SPTY2D1: variants seen among roughly 807,000 people sequenced by gnomAD.
SPTY2D1 encodes protein SPT2 homolog.
SPTY2D1 carries 21 observed loss-of-function variants against 64.0 expected under a neutral mutation model. The ratio of observed to expected loss-of-function variants is 0.33; its 90% CI spans 0.23 to 0.47. SPTY2D1 has a LOEUF of 0.47. SPTY2D1 is among the 20% of genes least tolerant of loss of function. The pLI, the probability that SPTY2D1 is intolerant of heterozygous loss-of-function variation, is 1.00. For missense variants in SPTY2D1, 724 were observed against 837.2 expected (o/e 0.86, Z 1.67); for synonymous variants, 287 against 286.8 (o/e 1.00, Z -0.01).
rs1854220065 is a variant in SPTY2D1, at chr11:18,612,320, C to T, written c.1880G>A (p.Arg627Gln). 3.2e-6 allele frequency: 5 copies of T among 1,581,706 alleles called. No individual in the cohort carries two copies. Among genetic ancestry groups the T allele is most frequent in the Admixed American group, 3.8e-5 (2 of 52,198 alleles). Residue 627 changes from arginine (R) to glutamine (Q), a missense_variant, in exon 4 of 6, where the codon CGA becomes CAA. This residue lies in a region of SPTY2D1 where 119 missense variants were observed against 172.9 expected (regional missense o/e 0.69). Transcript: ENST00000336349. The surrounding 1 kb of genome is among the most constrained non-coding windows in gnomAD (Gnocchi z 4.6). ...KHIREIFGYD[R>Q]KKYKDESDYA... ...GAATCTTCTTTAGTCTTACTTTTTT[C>T]GGTCATAACCAAAGATTTCTCTAAT... is the stretch of plus-strand genomic sequence containing the variant.
In SPTY2D1 at chr11:18,615,435, G is replaced by T. The variant is rs746672246; in HGVS notation, c.839C>A (p.Ser280Tyr). 1 of 1,614,082 alleles carries T rather than the reference G, an allele frequency of 6.2e-7. No homozygotes were observed. The highest frequency in any genetic ancestry group is 8.5e-7 in the Non-Finnish European group (1 of 1,180,038). The part of the protein sequence containing the change: ...ANEKHLALSS[S>Y]KSMPGERIKA... Reference sequence around the variant, plus strand: ...GATCCTCTCTCCTGGCATGGATTTGGATGAAGACAAAGCGAGGTGTTTCTC... The same window carrying T: ...GATCCTCTCTCCTGGCATGGATTTGTATGAAGACAAAGCGAGGTGTTTCTC... Residue 280 changes from serine (S) to tyrosine (Y), a missense_variant, in exon 3 of 6, where the codon TCC (serine) becomes TAC (tyrosine). Physicochemically the swap from Ser to Tyr is moderately radical, Grantham distance 144. Transcript: ENST00000336349.
chr11:18,633,748 T>C (rs1181721115), intron 1 of SPTY2D1, among the ~76,000 whole-genome samples: 1 of 152,180 alleles, frequency 6.6e-6, no homozygotes, highest in African/African-American at 2.4e-5. Context: ...CGCTAAACGT[T>C]TGACTTGAAG....
At chr11:18,632,346 T>A (rs1854601547) in intron 1 of SPTY2D1, among the ~76,000 whole-genome samples, 2 of 151,810 alleles carry the variant, frequency 1.3e-5, no homozygotes, top group African/African-American at 4.8e-5. Flanking sequence ...ATGGCTATAT[T>A]ATCTATTGAT....
At position 18,615,972 on chromosome 11, in the gene SPTY2D1, A is replaced by G. The variant is rs150498847; in HGVS notation, c.302T>C (p.Ile101Thr). The part of the protein sequence containing the change: ...DNFHGYNGIP[I>T]EEKSKKRQAT... ...CTGCCTCTTCTTTGACTTTTCCTCAATAGGAATCCCATTGTAACCATGGAA... is the reference window on the plus strand; with the variant it reads ...CTGCCTCTTCTTTGACTTTTCCTCAGTAGGAATCCCATTGTAACCATGGAA... The change falls in exon 3 of 6, where the codon ATT becomes ACT. Residue 101 changes from isoleucine to threonine, a missense_variant. Ile to Thr is a moderately conservative substitution (Grantham distance 89, BLOSUM62 -1). Coordinates refer to ENST00000336349, the MANE Select transcript of SPTY2D1 (RefSeq NM_194285.3). 104 of 1,613,970 alleles carry G rather than the reference A, an allele frequency of 6.4e-5. No homozygotes were observed. Among genetic ancestry groups the G allele is most frequent in the Middle Eastern group, 1.6e-4 (1 of 6,084 alleles).
At chr11:18,622,100 A>AG (rs1435656187) in intron 1 of SPTY2D1, among the ~76,000 whole-genome samples, 1 of 148,214 alleles carries the variant, frequency 6.7e-6, no homozygotes, top group Non-Finnish European at 1.5e-5. Context: ...AAAAAAAAAA[A>AG]AAAACCAAAA....
intron 1 of SPTY2D1, among the ~76,000 whole-genome samples, chr11:18,629,325 AC>A (rs10718197): frequency 0.97 from 148,291 of 152,156 alleles, 72,387 homozygotes; most frequent in East Asian, 1. Flanking sequence ...ACATGGTGAA[AC>A]CCCCATCTCT....
At chr11:18,611,339 G>GC in intron 5 of SPTY2D1, 138 bp downstream of exon 5, 1 of 766,558 alleles carries the variant, frequency 1.3e-6, no homozygotes, top group South Asian at 1.6e-5. Context: ...TTTGTCCAAG[G>GC]CCCCACAGCT....
At chr11:18,616,480 A>C (rs568537402) in intron 2 of SPTY2D1, among the ~76,000 whole-genome samples, 1 of 152,306 alleles carries the variant, frequency 6.6e-6, no homozygotes, top group East Asian at 1.9e-4. Flanking sequence ...AAAGACTTTA[A>C]AACTTATCTC....
intron 2 of SPTY2D1, 37 bp downstream of exon 2, chr11:18,616,838 A>G: frequency 6.3e-7 from 1 of 1,592,836 alleles, no homozygotes; most frequent in East Asian, 2.2e-5. Context: ...TGAAGATGGA[A>G]TACTTTAAAA....
At chr11:18,610,640 T>C (rs932589082) in intron 5 of SPTY2D1, among the ~76,000 whole-genome samples, 2 of 144,966 alleles carry the variant, frequency 1.4e-5, no homozygotes, top group Admixed American at 7.2e-5. Context: ...CACTCCAGCC[T>C]TGGCGACAGA....
chr11:18,617,934 T>G (rs1854328556), intron 1 of SPTY2D1, among the ~76,000 whole-genome samples: 1 of 152,122 alleles, frequency 6.6e-6, no homozygotes, highest in South Asian at 2.1e-4. Flanking sequence ...AGAGCAAAAC[T>G]CCGTCTCAAT....
chr11:18,627,773 G>T (rs1854521946), intron 1 of SPTY2D1, among the ~76,000 whole-genome samples: 1 of 152,176 alleles, frequency 6.6e-6, no homozygotes, highest in Non-Finnish European at 1.5e-5. Flanking sequence ...CAGCTACTCG[G>T]GAGGCTGAGG....
At position 18,615,372 on chromosome 11, in the gene SPTY2D1, C is replaced by A. The variant is rs150414163; in HGVS notation, c.902G>T (p.Arg301Leu). Residue 301 changes from arginine to leucine, a missense_variant, in exon 3 of 6, where the codon CGT (arginine) becomes CTT (leucine). By Grantham distance (102) the Arg-to-Leu change is moderately radical. Around this residue, in one of 3 missense-constraint regions of SPTY2D1, gnomAD observed 426 missense variants for 431.8 expected, o/e 0.99. Transcript: ENST00000336349. ...GSGNSSQPSLREGHDKPVFNG... is the reference protein window; with the variant it reads ...GSGNSSQPSLLEGHDKPVFNG... ...AAAAACAGGTTTGTCGTGGCCCTCA[C>A]GAAGTGAGGGTTGGGAGCTATTGCC... The A allele has an allele frequency of 1.2e-6, 2 of 1,614,228 alleles. No homozygotes were observed. Among genetic ancestry groups the A allele is most frequent in the Admixed American group, 3.3e-5 (2 of 60,036 alleles).
chr11:18,628,756 T>A (rs781495477), intron 1 of SPTY2D1, among the ~76,000 whole-genome samples: 3 of 152,196 alleles, frequency 2.0e-5, no homozygotes, highest in Non-Finnish European at 2.9e-5. Context: ...GCAATCCAGT[T>A]ACAATCCATT....
rs1191769307 is a variant in SPTY2D1, at chr11:18,607,582, T to G, written c.*2279A>C. On this transcript the variant is annotated 3_prime_UTR_variant, in exon 6 of 6. Coordinates refer to ENST00000336349, the MANE Select transcript of SPTY2D1 (RefSeq NM_194285.3). ...CAAGCATTTAATTTGTAAACCTTAA[T>G]GAAATAACAGCCTACTCCAGTTTCT... is the stretch of plus-strand genomic sequence containing the variant. 6.6e-6 allele frequency: 1 copy of G among 152,634 alleles called. No individual in the cohort carries two copies. The highest frequency in any genetic ancestry group is 1.5e-5 in the Non-Finnish European group (1 of 68,038). The allele number at this position is 152,634 out of a possible 1,614,324, so 9.5% of individuals were successfully genotyped here. A position where few individuals can be genotyped will look rare whatever the true frequency, so the allele number is the denominator to read the frequency against.
chr11:18,612,837 T>A lies in SPTY2D1; in HGVS notation c.1712-349A>T, dbSNP rs1328998508. 1.3e-5 allele frequency among the ~76,000 whole-genome samples: 2 copies of A among 152,022 alleles called. No individual in the cohort carries two copies. The highest frequency in any genetic ancestry group is 6.6e-5 in the Admixed American group (1 of 15,240). On this transcript the variant is annotated intron_variant, in intron 3 of 5. Transcript: ENST00000336349. This position sits in a 1 kb window ranked among gnomAD's most constrained non-coding sequence, Gnocchi z 4.6. The stretch of plus-strand genomic sequence containing the variant: ...TGGAGTGCAATGGTGCGATCTCGGC[T>A]CACTGCAACCTCTGCCTCCCAGGTT...
At position 18,609,792 on chromosome 11, in the gene SPTY2D1, C is replaced by T. The variant is rs1296132467; in HGVS notation, c.*69G>A. The T allele has an allele frequency of 1.4e-6, 2 of 1,434,180 alleles. No individual in the cohort carries two copies. Among genetic ancestry groups the T allele is most frequent in the Non-Finnish European group, 1.9e-6 (2 of 1,027,530 alleles). 88.8% of individuals were successfully genotyped at this position (1,434,180 alleles called of 1,614,324 possible). ...TAAATCTAAAATGATAAGGGGGCTTCTTCAGTCTGAAGGCAGGAAATCCTT... is the reference window on the plus strand; with the variant it reads ...TAAATCTAAAATGATAAGGGGGCTTTTTCAGTCTGAAGGCAGGAAATCCTT... On this transcript the variant is annotated 3_prime_UTR_variant, in exon 6 of 6. Coordinates refer to ENST00000336349, the MANE Select transcript of SPTY2D1 (RefSeq NM_194285.3).
rs753205762 is a variant in SPTY2D1, at chr11:18,609,912, A to C, written c.2007T>G (p.Arg669=). The change falls in exon 6 of 6, where the codon CGT becomes CGG. Residue 669 remains arginine, a synonymous_variant. Coordinates refer to ENST00000336349, the MANE Select transcript of SPTY2D1 (RefSeq NM_194285.3). ...GMQEDLEEMR[R]EEEEMQRRRA... is the part of the protein sequence containing the mutation. ...TTCGACGTTGCATTTCTTCTTCTTCACGTCTCATTTCCTCTAAGTCCTCTT... is the reference window on the plus strand; with the variant it reads ...TTCGACGTTGCATTTCTTCTTCTTCCCGTCTCATTTCCTCTAAGTCCTCTT... 1.4e-5 allele frequency: 22 copies of C among 1,614,048 alleles called. No individual in the cohort carries two copies.
At chr11:18,620,885 T>C (rs1854384710) in intron 1 of SPTY2D1, among the ~76,000 whole-genome samples, 1 of 75,794 alleles carries the variant, frequency 1.3e-5, no homozygotes, top group Admixed American at 1.4e-4. Context: ...AGACTCTATC[T>C]CAAAAAAAAA....
Sources: gnomAD v4.1 joint callset for allele counts (sites outside exome capture counted in the v4.1 genomes callset) on GRCh38, gnomAD v4.1.1 for gene constraint, gnomAD v4.1.1 regional missense constraint, Gnocchi (gnomAD v3.1) non-coding constraint, MANE v1.5 for transcripts, NCBI Gene and HGNC (gene_info 2026-07-23, HGNC 2026-07-21) for gene names.